The following GALNT11 variants were observed in gnomAD, a reference collection of about 807,000 sequenced individuals.
GALNT11 encodes polypeptide N-acetylgalactosaminyltransferase 11.
A neutral mutation model predicts 72.7 loss-of-function variants in GALNT11; 47 were observed. The ratio of observed to expected loss-of-function variants is 0.65; its 90% confidence interval spans 0.51 to 0.82. GALNT11 has a LOEUF of 0.82. GALNT11 is among the 40% of genes least tolerant of loss of function. The pLI, the probability that GALNT11 is intolerant of heterozygous loss-of-function variation, is 0.00. For missense variants in GALNT11, 677 were observed against 778.4 expected (o/e 0.87, Z 1.55); for synonymous variants, 270 against 286.6 (o/e 0.94, Z 0.58).
rs765599528 is a variant in GALNT11, at chr7:152,120,936, G to A, written c.1663G>A (p.Gly555Arg). 6.2e-6 allele frequency: 10 copies of A among 1,613,932 alleles called. No individual in the cohort carries two copies. In the Middle Eastern group the frequency reaches 8.2e-4, roughly 133 times the overall value. Reference sequence around the variant, plus strand: ...CCCGCCACGGCTCATGAAATGCCACGGGTCAGGAGGATCCCAGCAGTGGAC... The same window carrying A: ...CCCGCCACGGCTCATGAAATGCCACAGGTCAGGAGGATCCCAGCAGTGGAC... The part of the protein sequence containing the change: ...SDPPRLMKCH[G>R]SGGSQQWTFG... Residue 555 changes from glycine (G) to arginine (R), a missense_variant, in exon 11 of 12, where the codon GGG becomes AGG. Transcript: ENST00000430044.
chr7:152,026,694 A>G (rs2082031814), intron 1 of GALNT11, among the ~76,000 whole-genome samples: 1 of 152,246 alleles, frequency 6.6e-6, no homozygotes, highest in Admixed American at 6.5e-5. Flanking sequence ...TTGTGTGTTC[A>G]GTAAAAGGCA....
chr7:152,066,403 C>T (rs532450836), intron 1 of GALNT11, among the ~76,000 whole-genome samples: 54 of 152,344 alleles, frequency 3.5e-4, no homozygotes, highest in Admixed American at 1.3e-3. Context: ...GGCGATGCCT[C>T]GCCCTGCTTT....
intron 1 of GALNT11, among the ~76,000 whole-genome samples, chr7:152,050,466 G>A (rs1009919926): frequency 6.6e-6 from 1 of 152,326 alleles, no homozygotes. Flanking sequence ...CTGGTGCCCT[G>A]TTCTGTTGTG....
At chr7:152,093,043 A>T (rs1054730653) in intron 1 of GALNT11, among the ~76,000 whole-genome samples, 3 of 152,154 alleles carry the variant, frequency 2.0e-5, no homozygotes, top group African/African-American at 7.2e-5. Flanking sequence ...AGCCTGGCCA[A>T]CATGGTGAAA....
intron 1 of GALNT11, among the ~76,000 whole-genome samples, chr7:152,036,898 C>T (rs1380843462): frequency 6.6e-6 from 1 of 152,164 alleles, no homozygotes; most frequent in Non-Finnish European, 1.5e-5. Flanking sequence ...TGAGAAATGT[C>T]TATTCAGACC....
intron 8 of GALNT11, among the ~76,000 whole-genome samples, chr7:152,113,607 G>C (rs527883174): frequency 1.3e-5 from 2 of 148,966 alleles, no homozygotes; most frequent in African/African-American, 2.5e-5. Flanking sequence ...TTTTGTAAGT[G>C]TCTACTCCAT....
intron 5 of GALNT11, 109 bp from the exon 6 acceptor site, chr7:152,107,929 G>A: frequency 1.5e-6 from 2 of 1,316,690 alleles, no homozygotes; most frequent in Non-Finnish European, 1.0e-6. Context: ...GGCTGGGAGG[G>A]TGGCAGTCGT....
At chr7:152,107,928 G>C (rs746796111) in intron 5 of GALNT11, 110 bp from the exon 6 acceptor site, 13 of 1,303,002 alleles carry the variant, frequency 1.0e-5, no homozygotes, top group Non-Finnish European at 1.4e-5. Flanking sequence ...GGGCTGGGAG[G>C]GTGGCAGTCG....
chr7:152,085,566 A>G (rs2085591627), intron 1 of GALNT11, among the ~76,000 whole-genome samples: 1 of 145,304 alleles, frequency 6.9e-6, no homozygotes, highest in Non-Finnish European at 1.5e-5. Flanking sequence ...TTTGTTGTGT[A>G]GATACTAGAT....
intron 1 of GALNT11, among the ~76,000 whole-genome samples, chr7:152,060,009 T>C (rs1294929381): frequency 6.6e-6 from 1 of 152,238 alleles, no homozygotes; most frequent in Non-Finnish European, 1.5e-5. Context: ...AAATATATTG[T>C]TTAGTGTAGC....
At chr7:152,099,597 A>G (rs1307103819) in intron 2 of GALNT11, among the ~76,000 whole-genome samples, 1 of 122,296 alleles carries the variant, frequency 8.2e-6, no homozygotes, top group Non-Finnish European at 1.6e-5. Flanking sequence ...CGTGTTGGCC[A>G]GGCTGATCTT....
chr7:152,048,513 C>A (rs2083250057), intron 1 of GALNT11, among the ~76,000 whole-genome samples: 1 of 151,522 alleles, frequency 6.6e-6, no homozygotes, highest in African/African-American at 2.4e-5. Flanking sequence ...TCTTTAAGGT[C>A]AACAACTTTT....
At chr7:152,093,575 C>A (rs953002567) in intron 1 of GALNT11, among the ~76,000 whole-genome samples, 5 of 151,768 alleles carry the variant, frequency 3.3e-5, no homozygotes, top group Non-Finnish European at 7.4e-5. Flanking sequence ...ATTATAGGCG[C>A]CCACCACAAC....
chr7:152,031,622 A>C (rs944503584), intron 1 of GALNT11, among the ~76,000 whole-genome samples: 7 of 152,300 alleles, frequency 4.6e-5, no homozygotes, highest in African/African-American at 1.7e-4. Context: ...TTGCTACTAC[A>C]TCAATTTCCT....
At chr7:152,073,173 A>G (rs1304003417) in intron 1 of GALNT11, among the ~76,000 whole-genome samples, 1 of 152,184 alleles carries the variant, frequency 6.6e-6, no homozygotes, top group Non-Finnish European at 1.5e-5. Flanking sequence ...TATTCTCCTT[A>G]TAGCTATTTG....
At chr7:152,121,034 G>T in intron 11 of GALNT11, 66 bp downstream of exon 11, 2 of 1,553,914 alleles carry the variant, frequency 1.3e-6, no homozygotes, top group Non-Finnish European at 1.7e-6. Flanking sequence ...AGGGAGTGTG[G>T]CAGATGAACT....
At chr7:152,074,584 T>G (rs1429495716) in intron 1 of GALNT11, among the ~76,000 whole-genome samples, 5 of 152,206 alleles carry the variant, frequency 3.3e-5, no homozygotes, top group Non-Finnish European at 7.3e-5. Flanking sequence ...CTTCCAGCTT[T>G]ATAACTTTTT....
intron 1 of GALNT11, among the ~76,000 whole-genome samples, chr7:152,060,815 A>G (rs189879824): frequency 2.6e-4 from 40 of 152,186 alleles, no homozygotes; most frequent in African/African-American, 7.0e-4. Flanking sequence ...ACCCTTTTCT[A>G]TGGCTGTATA....
chr7:152,065,123 C>G (rs1490361976), intron 1 of GALNT11, among the ~76,000 whole-genome samples: 1 of 152,176 alleles, frequency 6.6e-6, no homozygotes, highest in Admixed American at 6.5e-5. Context: ...TTCACATAGT[C>G]TCATATTTCT....
Sources: gnomAD v4.1 joint callset for allele counts (sites outside exome capture counted in the v4.1 genomes callset) on GRCh38, gnomAD v4.1.1 for gene constraint, MANE v1.5 for transcripts, NCBI Gene and HGNC (gene_info 2026-07-23, HGNC 2026-07-21) for gene names.